Variants in MTA1 observed in about 807,000 individuals in gnomAD.
MTA1 encodes metastasis associated 1.
In MTA1, 15 loss-of-function variants were observed where a neutral mutation model predicts 97.0. The ratio of observed to expected loss-of-function variants is 0.15; its 90% CI spans 0.10 to 0.24. MTA1 has a LOEUF of 0.24. MTA1 is among the 10% of genes least tolerant of loss of function. MTA1 has a pLI of 1.00. For missense variants in MTA1, 709 were observed against 1,015.1 expected (o/e 0.70, Z 4.10); for synonymous variants, 435 against 417.5 (o/e 1.04, Z -0.51).
At chr14:105,452,345 C>T (rs1372120458) in intron 6 of MTA1, among the ~76,000 whole-genome samples, 2 of 152,232 alleles carry the variant, frequency 1.3e-5, no homozygotes, top group African/African-American at 2.4e-5. Flanking sequence ...TGACCAGTGG[C>T]GCAGTCCGGC....
chr14:105,435,923 T>C (rs1027139258), intron 1 of MTA1, among the ~76,000 whole-genome samples: 11 of 152,224 alleles, frequency 7.2e-5, no homozygotes, highest in Non-Finnish European at 1.6e-4. Context: ...GGCTTCTCTC[T>C]TTGTTTCTTT....
intron 1 of MTA1, among the ~76,000 whole-genome samples, chr14:105,432,875 A>G (rs944995954): frequency 6.6e-6 from 1 of 152,164 alleles, no homozygotes; most frequent in Admixed American, 6.5e-5. Flanking sequence ...TGGTTACAGC[A>G]GAGTGTCTGC....
chr14:105,426,955 T>C (rs1392462343), intron 1 of MTA1, among the ~76,000 whole-genome samples: 6 of 152,246 alleles, frequency 3.9e-5, no homozygotes, highest in Admixed American at 3.9e-4. Context: ...AGTTCCTCTC[T>C]GTGCTCCCTG....
chr14:105,464,205 T>C, intron 13 of MTA1, 58 bp downstream of exon 13: 1 of 1,549,208 alleles, frequency 6.5e-7, no homozygotes, highest in African/African-American at 1.4e-5. Context: ...CCGTGGTGCC[T>C]GCGTTGGCCC....
rs782767501 is a variant in MTA1 at position 105,466,533 on chromosome 14, A to C, written c.1732A>C (p.Thr578Pro). The C allele has an allele frequency of 6.0e-6, 9 of 1,501,116 alleles. No individual in the cohort carries two copies. Among genetic ancestry groups the C allele is most frequent in the Non-Finnish European group, 8.0e-6 (9 of 1,119,702 alleles). The allele number at this position is 1,501,116 out of a possible 1,614,324, so 93.0% of individuals were successfully genotyped here. A position where few individuals can be genotyped will look rare whatever the true frequency, so the allele number is the denominator to read the frequency against. ...CCCCGTCATCAACAACGGCTCCCCC[A>C]CCATCCTGGGCAAGCGCAGCTACGA... The part of the protein sequence containing the change: ...VAPVINNGSP[T>P]ILGKRSYEQH... Residue 578 changes from threonine to proline, a missense_variant, in exon 17 of 21, where the codon ACC (threonine) becomes CCC (proline). Physicochemically the swap from Thr to Pro is conservative, Grantham distance 38 (BLOSUM62 -1). Transcript: ENST00000331320.
In MTA1 at chr14:105,424,278, C is replaced by T. The variant is rs2081942140; in HGVS notation, c.28+4215C>T. ...AGCGCAATCTGGGCTCACTGCAAGT[C>T]CGCCTCCCGGGTTCACACCATTCTC... On this transcript the variant is annotated intron_variant, in intron 1 of 20. Coordinates refer to ENST00000331320, the MANE Select transcript of MTA1 (RefSeq NM_004689.4). This position sits in a 1 kb window ranked among gnomAD's most constrained non-coding sequence, Gnocchi z 4.0. 6.6e-6 allele frequency among the ~76,000 whole-genome samples: 1 copy of T among 152,004 alleles called. No individual in the cohort carries two copies. The highest frequency in any genetic ancestry group is 2.1e-4 in the South Asian group (1 of 4,822).
rs1371137101 is a variant in MTA1, at chr14:105,424,642, T to G, written c.28+4579T>G. ...CCCTGAGTAGCTGGGATTACAGGTG[T>G]GCACCACCACACCTGGCTAGTTTTT... is the stretch of plus-strand genomic sequence containing the variant. On this transcript the variant is annotated intron_variant, in intron 1 of 20. Coordinates refer to ENST00000331320, the MANE Select transcript of MTA1 (RefSeq NM_004689.4). The surrounding 1 kb of genome is among the most constrained non-coding windows in gnomAD (Gnocchi z 4.0). 6.6e-6 allele frequency among the ~76,000 whole-genome samples: 1 copy of G among 152,112 alleles called. No homozygotes were observed. Among genetic ancestry groups the G allele is most frequent in the East Asian group, 1.9e-4 (1 of 5,138 alleles).
intron 18 of MTA1, chr14:105,467,239 G>A (rs587708227): frequency 3.6e-5 from 13 of 361,440 alleles, no homozygotes; most frequent in Middle Eastern, 1.0e-3. Context: ...CAGGGGCTGC[G>A]GGACCCCAGG....
At chr14:105,430,073 C>T (rs1409832351) in intron 1 of MTA1, among the ~76,000 whole-genome samples, 1 of 152,122 alleles carries the variant, frequency 6.6e-6, no homozygotes, top group Non-Finnish European at 1.5e-5. Context: ...TAGTTTCTTT[C>T]AGGAACTTTT....
At chr14:105,457,312 G>A (rs781898786) in intron 7 of MTA1, among the ~76,000 whole-genome samples, 2 of 152,224 alleles carry the variant, frequency 1.3e-5, no homozygotes, top group African/African-American at 2.4e-5. Context: ...GTTTTTTGGC[G>A]AGTAAAAGGC....
intron 18 of MTA1, chr14:105,468,386 C>T: frequency 7.7e-7 from 1 of 1,303,802 alleles, no homozygotes; most frequent in Non-Finnish European, 1.0e-6. Context: ...GCCCTGGGCG[C>T]TGGGCCTTGG....
chr14:105,429,425 A>G (rs2082109523), intron 1 of MTA1, among the ~76,000 whole-genome samples: 1 of 148,452 alleles, frequency 6.7e-6, no homozygotes, highest in African/African-American at 2.5e-5. Flanking sequence ...GGCTGGGACT[A>G]CAGGCACCCA....
At position 105,437,991 on chromosome 14, in the gene MTA1, G is replaced by A. The variant is rs1333490569; in HGVS notation, c.29-681G>A. Among the ~76,000 whole-genome samples, 8 of 152,210 alleles carry A rather than the reference G, an allele frequency of 5.3e-5. 1 individual carries two copies. Among genetic ancestry groups the A allele is most frequent in the Non-Finnish European group, 1.2e-4 (8 of 68,032 alleles). On this transcript the variant is annotated intron_variant, in intron 1 of 20. Transcript: ENST00000331320. The stretch of plus-strand genomic sequence containing the variant: ...AGATGGTTTCATCGCTGAGGGAAGC[G>A]CTGTACTCACCTGATGGCCGATCTT...
intron 18 of MTA1, chr14:105,467,788 G>A (rs1228239644): frequency 7.3e-6 from 2 of 273,326 alleles, no homozygotes; most frequent in Admixed American, 5.1e-5. Context: ...ATGGCAGGGC[G>A]TCCCAGGAAC....
At position 105,466,600 on chromosome 14, in the gene MTA1, T is replaced by C. The variant is rs782318330; in HGVS notation, c.1777+22T>C. 1.9e-6 allele frequency: 3 copies of C among 1,564,550 alleles called. No individual in the cohort carries two copies. In the South Asian group the frequency reaches 3.5e-5, roughly 18 times the overall value. On this transcript the variant is annotated intron_variant, in intron 17 of 20. Transcript: ENST00000331320. ...GACGGTGAGTGGCCCCCCCGCCCGG[T>C]GAGTGTGGCCCTCCCCGCCCGGTGA...
rs2083774534 is a variant in MTA1, at chr14:105,470,125, GC to G, written c.2061del (p.Ile688SerfsTer59). 6.2e-7 allele frequency: 1 copy of G among 1,612,258 alleles called. No individual in the cohort carries two copies. The highest frequency in any genetic ancestry group is 1.3e-5 in the African/African-American group (1 of 74,904). On this transcript the variant is annotated frameshift_variant, in exon 21 of 21. Transcript: ENST00000331320. LOFTEE classifies it high-confidence loss of function. ...AGCGTGCTGCCCGCCGGCCCTACAA[GC>G]CCATCGCCCTGCGCCAGAGCCAGGC... is the stretch of plus-strand genomic sequence containing the variant. The part of the protein sequence containing the change: ...TKRAARRPYK[P>X]IALRQSQALP...
intron 6 of MTA1, 112 bp downstream of exon 6, chr14:105,450,436 G>T (rs1194767455): frequency 3.3e-6 from 4 of 1,229,964 alleles, no homozygotes; most frequent in African/African-American, 1.5e-5. Flanking sequence ...CTCCCTCTAG[G>T]CCCAGGCTGT....
Position 105,463,996 on chromosome 14 carries a change from C to T in MTA1, c.1077-36C>T, listed in dbSNP as rs1555431701. The stretch of plus-strand genomic sequence containing the variant: ...ACATGGGCCCTCGAGGTTTGTGCTC[C>T]TGCAACTCCTCTCGTCTCTCCTTTC... On this transcript the variant is annotated intron_variant, in intron 12 of 20. Transcript: ENST00000331320. This position sits in a 1 kb window ranked among gnomAD's most constrained non-coding sequence, Gnocchi z 5.9. 6.2e-6 allele frequency: 10 copies of T among 1,606,284 alleles called. No homozygotes were observed. The highest frequency in any genetic ancestry group is 1.3e-5 in the African/African-American group (1 of 74,802).
At chr14:105,446,320 G>C (rs1177739153) in intron 3 of MTA1, among the ~76,000 whole-genome samples, 1 of 152,230 alleles carries the variant, frequency 6.6e-6, no homozygotes, top group South Asian at 2.1e-4. Context: ...ACCTGGGGTG[G>C]GATCTGAGCC....
Sources: allele counts gnomAD v4.1 joint callset (sites outside exome capture counted in the v4.1 genomes callset), GRCh38; gene constraint gnomAD v4.1.1; non-coding constraint Gnocchi (gnomAD v3.1); transcripts MANE v1.5; gene names NCBI Gene and HGNC (gene_info 2026-07-23, HGNC 2026-07-21).